PLXDC2: variants seen among roughly 807,000 people sequenced by gnomAD.
PLXDC2 encodes the protein plexin domain-containing protein 2.
PLXDC2 carries 40 observed loss-of-function variants against 68.9 expected under a neutral mutation model. That is an observed-to-expected ratio of 0.58 (90% CI 0.45 to 0.76). PLXDC2 has a LOEUF of 0.76. Among genes scored for constraint, PLXDC2 ranks in the 30% least tolerant of loss-of-function variants. PLXDC2 has a pLI of 0.00. For missense variants in PLXDC2, 644 were observed against 661.9 expected, an observed-to-expected ratio of 0.97 and a Z score of 0.30; for synonymous variants, 243 against 234.2, an observed-to-expected ratio of 1.04 and a Z score of -0.34.
intron 12 of PLXDC2, among the ~76,000 whole-genome samples, chr10:20,230,709 A>AAAAAAAAAAAAAAAG (rs1164509092): frequency 6.7e-6 from 1 of 149,712 alleles, no homozygotes; most frequent in African/African-American, 2.4e-5. Flanking sequence ...AAAAAAAAAA[A>AAAAAAAAAAAAAAAG]AAAAACAGGA....
At chr10:20,078,541 C>T (rs753134969) in intron 4 of PLXDC2, among the ~76,000 whole-genome samples, 2 of 151,988 alleles carry the variant, frequency 1.3e-5, no homozygotes, top group Non-Finnish European at 2.9e-5. Flanking sequence ...AATGTTATAT[C>T]GTAATAATCA....
At chr10:19,844,098 A>G (rs1334264605) in intron 1 of PLXDC2, among the ~76,000 whole-genome samples, 2 of 152,200 alleles carry the variant, frequency 1.3e-5, no homozygotes, top group Non-Finnish European at 2.9e-5. Context: ...ATTAAAGAAC[A>G]GATAAGACAG....
intron 1 of PLXDC2, among the ~76,000 whole-genome samples, chr10:19,896,442 G>A (rs1203154903): frequency 1.3e-5 from 2 of 152,190 alleles, no homozygotes; most frequent in Admixed American, 6.5e-5. Flanking sequence ...TCTGGATACC[G>A]TGGTTATTTT....
intron 13 of PLXDC2, among the ~76,000 whole-genome samples, chr10:20,253,308 TGA>T (rs1197340857): frequency 6.6e-6 from 1 of 151,260 alleles, no homozygotes; most frequent in African/African-American, 2.4e-5. Flanking sequence ...GAGGTTGCAG[TGA>T]GCCAAGATCA....
At chr10:19,852,222 G>A (rs569033464) in intron 1 of PLXDC2, among the ~76,000 whole-genome samples, 7 of 151,908 alleles carry the variant, frequency 4.6e-5, no homozygotes, top group South Asian at 4.2e-4. Context: ...TGGGCTACAC[G>A]GTGAGACCCC....
intron 2 of PLXDC2, among the ~76,000 whole-genome samples, chr10:20,037,305 C>A (rs2131672988): frequency 6.6e-6 from 1 of 151,338 alleles, no homozygotes; most frequent in East Asian, 1.9e-4. Context: ...TGTAAGTTGG[C>A]AGTTCACCTA....
intron 1 of PLXDC2, among the ~76,000 whole-genome samples, chr10:19,835,318 G>A (rs1215089394): frequency 6.6e-6 from 1 of 152,148 alleles, no homozygotes; most frequent in African/African-American, 2.4e-5. Flanking sequence ...GGCAGGTCTA[G>A]AGATAGACCA....
At chr10:20,061,856 G>A (rs1413238932) in intron 3 of PLXDC2, among the ~76,000 whole-genome samples, 2 of 152,138 alleles carry the variant, frequency 1.3e-5, no homozygotes, top group Non-Finnish European at 2.9e-5. Context: ...ACCAGAATCG[G>A]TTTAAGTCTT....
At chr10:19,889,284 T>C (rs1837904867) in intron 1 of PLXDC2, among the ~76,000 whole-genome samples, 1 of 152,138 alleles carries the variant, frequency 6.6e-6, no homozygotes, top group Non-Finnish European at 1.5e-5. Context: ...CGGTTATTTT[T>C]ATTTCTCTTA....
rs1484131963 is a variant in PLXDC2 at position 20,284,330 on chromosome 10, T to TATGTATATACAC, written c.*4512_*4513insTGTATATACACA. 7.9e-6 allele frequency: 1 copy of TATGTATATACAC among 126,338 alleles called. No individual in the cohort carries two copies. The highest frequency in any genetic ancestry group is 2.4e-4 in the East Asian group (1 of 4,228). The allele number at this position is 126,338 out of a possible 1,614,324, so 7.8% of individuals were successfully genotyped here. A position where few individuals can be genotyped will look rare whatever the true frequency, so the allele number is the denominator to read the frequency against. ...AAATATACATATATATATATATATA[T>TATGTATATACAC]ACACACACACACACACACACACAAA... On this transcript the variant is annotated 3_prime_UTR_variant, in exon 14 of 14. Transcript: ENST00000377252.
chr10:20,043,120 AT>A, intron 2 of PLXDC2, among the ~76,000 whole-genome samples: 1 of 152,304 alleles, frequency 6.6e-6, no homozygotes, highest in Non-Finnish European at 1.5e-5. Context: ...AAAATGTCAC[AT>A]TTTTGAGAAA....
chr10:19,906,636 T>C (rs1833162959), intron 1 of PLXDC2, among the ~76,000 whole-genome samples: 1 of 152,088 alleles, frequency 6.6e-6, no homozygotes, highest in Admixed American at 6.6e-5. Flanking sequence ...GGTGTGCTCA[T>C]AGGCCAGGGG....
At chr10:20,000,431 T>A (rs1159360843) in intron 1 of PLXDC2, among the ~76,000 whole-genome samples, 3 of 152,084 alleles carry the variant, frequency 2.0e-5, no homozygotes, top group Non-Finnish European at 4.4e-5. Flanking sequence ...CAAGGAAAGG[T>A]CTAGATGGCA....
At chr10:20,233,152 A>G (rs1346890140) in intron 12 of PLXDC2, among the ~76,000 whole-genome samples, 4 of 152,130 alleles carry the variant, frequency 2.6e-5, no homozygotes, top group East Asian at 1.9e-4. Context: ...CACGAGTTGT[A>G]TAGTTGCAAG....
At chr10:19,821,623 C>T (rs1048323887) in intron 1 of PLXDC2, among the ~76,000 whole-genome samples, 1 of 152,182 alleles carries the variant, frequency 6.6e-6, no homozygotes, top group African/African-American at 2.4e-5. Flanking sequence ...ACTGAACTGA[C>T]TAGAACTATA....
At chr10:20,237,766 A>G (rs1326155550) in intron 12 of PLXDC2, among the ~76,000 whole-genome samples, 2 of 152,162 alleles carry the variant, frequency 1.3e-5, no homozygotes, top group East Asian at 3.9e-4. Flanking sequence ...ATGAATTTTG[A>G]GCAAATTTGT....
At chr10:20,200,677 G>T (rs988375163) in intron 9 of PLXDC2, among the ~76,000 whole-genome samples, 19 of 151,964 alleles carry the variant, frequency 1.3e-4, no homozygotes, top group Non-Finnish European at 2.6e-4. Flanking sequence ...CATCCGAACA[G>T]CAAATAACCA....
chr10:20,264,394 C>T (rs1588551274), intron 13 of PLXDC2, among the ~76,000 whole-genome samples: 1 of 152,038 alleles, frequency 6.6e-6, no homozygotes, highest in African/African-American at 2.4e-5. Flanking sequence ...TGTAATAATG[C>T]CTACAACAAA....
At chr10:20,069,651 T>C (rs930903829) in intron 4 of PLXDC2, among the ~76,000 whole-genome samples, 3 of 151,878 alleles carry the variant, frequency 2.0e-5, no homozygotes, top group Admixed American at 2.0e-4. Flanking sequence ...CAAGACTCTA[T>C]CTCTGAAAAT....
Sources: allele counts gnomAD v4.1 joint callset (sites outside exome capture counted in the v4.1 genomes callset), GRCh38; gene constraint gnomAD v4.1.1; transcripts MANE v1.5; gene names NCBI Gene and HGNC (gene_info 2026-07-23, HGNC 2026-07-21).